ASTN2: variants seen among roughly 807,000 people sequenced by gnomAD.
The protein encoded by ASTN2 is astrotactin-2.
Under a neutral mutation model 139.8 loss-of-function variants are expected in ASTN2, and 54 were observed. The ratio of observed to expected loss-of-function variants is 0.39; its 90% CI spans 0.31 to 0.48. ASTN2 has a LOEUF of 0.48. Among genes scored for constraint, ASTN2 ranks in the 20% least tolerant of loss-of-function variants. ASTN2 has a pLI of 0.95. For synonymous variants in ASTN2, 756 were observed against 719.5 expected (o/e 1.05, Z -0.81); for missense variants, 1,565 against 1,725.1 (o/e 0.91, Z 1.64).
intron 19 of ASTN2, chr9:116,613,517 G>C (rs1855666716): frequency 6.5e-6 from 1 of 153,782 alleles, no homozygotes; most frequent in Admixed American, 6.5e-5. Flanking sequence ...ACATCAAAAA[G>C]CTTATCCACC....
chr9:116,730,796 A>T (rs1043893179), intron 14 of ASTN2, among the ~76,000 whole-genome samples: 1 of 152,196 alleles, frequency 6.6e-6, no homozygotes, highest in Non-Finnish European at 1.5e-5. Flanking sequence ...AAAACAAAAC[A>T]AATTTAAAAA....
intron 4 of ASTN2, among the ~76,000 whole-genome samples, chr9:117,097,396 T>TC (rs532304115): frequency 6.1e-4 from 93 of 152,326 alleles, no homozygotes; most frequent in African/African-American, 2.2e-3. Flanking sequence ...CTTTTTTAAT[T>TC]GCCTAAAGGA....
At chr9:116,560,990 T>C (rs192411673) in intron 19 of ASTN2, among the ~76,000 whole-genome samples, 1 of 152,104 alleles carries the variant, frequency 6.6e-6, no homozygotes, top group African/African-American at 2.4e-5. Flanking sequence ...TAGGATGGGG[T>C]AGACATAGAG....
intron 1 of ASTN2, among the ~76,000 whole-genome samples, chr9:117,327,363 G>A (rs1041991147): frequency 6.6e-6 from 1 of 152,144 alleles, no homozygotes; most frequent in Admixed American, 6.5e-5. Flanking sequence ...AGCACCTGGA[G>A]GGGATGGACT....
At chr9:116,635,292 T>C (rs1446945316) in intron 17 of ASTN2, among the ~76,000 whole-genome samples, 1 of 152,178 alleles carries the variant, frequency 6.6e-6, no homozygotes, top group East Asian at 1.9e-4. Flanking sequence ...AAGTTGAATG[T>C]ACAATGTCAT....
At chr9:116,967,716 T>C (rs1836055883) in intron 10 of ASTN2, among the ~76,000 whole-genome samples, 1 of 152,192 alleles carries the variant, frequency 6.6e-6, no homozygotes, top group South Asian at 2.1e-4. Context: ...GTAAGACCGG[T>C]ATCAAGGGCC....
At chr9:117,308,252 A>AAT (rs1564138502) in intron 1 of ASTN2, among the ~76,000 whole-genome samples, 180 of 122,670 alleles carry the variant, frequency 1.5e-3, no homozygotes, top group African/African-American at 4.3e-3. Flanking sequence ...AATCAATCAA[A>AAT]CAAACAAAAA....
chr9:116,462,788 A>ATGTGTGTGTGTGTGTGTG (rs55926547), intron 20 of ASTN2, among the ~76,000 whole-genome samples: 55 of 146,180 alleles, frequency 3.8e-4, no homozygotes, highest in African/African-American at 1.3e-3. Context: ...TTGGGTGAGC[A>ATGTGTGTGTGTGTGTGTG]TGTGTGTGTG....
intron 14 of ASTN2, among the ~76,000 whole-genome samples, chr9:116,730,893 G>A (rs551927614): frequency 2.6e-5 from 4 of 152,236 alleles, no homozygotes; most frequent in African/African-American, 4.8e-5. Flanking sequence ...CTGGATTCAT[G>A]CCTGAAATAA....
chr9:117,255,544 T>C (rs753243237), intron 2 of ASTN2, among the ~76,000 whole-genome samples: 3 of 152,188 alleles, frequency 2.0e-5, no homozygotes, highest in Non-Finnish European at 4.4e-5. Flanking sequence ...TACTTCTAAC[T>C]GGGACAATAT....
chr9:117,312,479 A>C (rs545030808), intron 1 of ASTN2, among the ~76,000 whole-genome samples: 1 of 152,316 alleles, frequency 6.6e-6, no homozygotes, highest in East Asian at 1.9e-4. Context: ...TTGTTTTTAT[A>C]GTAGCCTTCT....
At chr9:116,542,498 T>C (rs952195256) in intron 19 of ASTN2, among the ~76,000 whole-genome samples, 1 of 152,146 alleles carries the variant, frequency 6.6e-6, no homozygotes, top group Non-Finnish European at 1.5e-5. Flanking sequence ...ATAAATTCAA[T>C]GTTAACTTTA....
intron 10 of ASTN2, among the ~76,000 whole-genome samples, chr9:116,940,865 G>A (rs1279942017): frequency 2.6e-5 from 4 of 151,984 alleles, no homozygotes; most frequent in Admixed American, 6.6e-5. Flanking sequence ...CCCTATACAG[G>A]TAGATAATTT....
intron 7 of ASTN2, among the ~76,000 whole-genome samples, chr9:117,001,536 C>T (rs1020075719): frequency 6.6e-6 from 1 of 152,138 alleles, no homozygotes; most frequent in Non-Finnish European, 1.5e-5. Context: ...TCCCCTGCCA[C>T]TCTCCCAGTG....
At chr9:116,811,159 C>T (rs1831156225) in intron 12 of ASTN2, among the ~76,000 whole-genome samples, 1 of 151,978 alleles carries the variant, frequency 6.6e-6, no homozygotes, top group Non-Finnish European at 1.5e-5. Context: ...TTTATTTCAG[C>T]TTTTATTTAA....
chr9:117,035,145 C>A (rs1838350283), intron 6 of ASTN2, among the ~76,000 whole-genome samples: 1 of 152,106 alleles, frequency 6.6e-6, no homozygotes, highest in African/African-American at 2.4e-5. Context: ...ATGGGGGTGA[C>A]TGAAAAAGGA....
intron 2 of ASTN2, among the ~76,000 whole-genome samples, chr9:117,233,684 TA>T (rs879489116): frequency 3.2e-4 from 49 of 152,244 alleles, no homozygotes; most frequent in East Asian, 5.8e-4. Flanking sequence ...AATTTTTTTT[TA>T]AAAAAAAGAA....
intron 19 of ASTN2, among the ~76,000 whole-genome samples, chr9:116,569,252 G>A (rs1853390093): frequency 1.3e-5 from 2 of 152,222 alleles, no homozygotes. Flanking sequence ...GCAAGCCACT[G>A]CAAGTCTCAG....
intron 7 of ASTN2, among the ~76,000 whole-genome samples, chr9:116,994,834 C>T (rs576562705): frequency 6.6e-6 from 1 of 152,170 alleles, no homozygotes; most frequent in Non-Finnish European, 1.5e-5. Context: ...ATTCATTTCA[C>T]TCAATCCATG....
Sources: allele counts gnomAD v4.1 joint callset (sites outside exome capture counted in the v4.1 genomes callset), GRCh38; gene constraint gnomAD v4.1.1; transcripts MANE v1.5; gene names NCBI Gene and HGNC (gene_info 2026-07-23, HGNC 2026-07-21).